ANGPT4: variants seen among roughly 807,000 people sequenced by gnomAD.
ANGPT4 encodes angiopoietin 4.
A neutral mutation model predicts 53.0 loss-of-function variants in ANGPT4; 50 were observed. The ratio of observed to expected loss-of-function variants is 0.94; its 90% confidence interval spans 0.75 to 1.20. The LOEUF is 1.20. Among genes scored for constraint, ANGPT4 ranks in the 50% most tolerant of loss-of-function variants. The pLI, the probability that ANGPT4 is intolerant of heterozygous loss-of-function variation, is 0.00. For missense variants in ANGPT4, 648 were observed against 637.1 expected, an observed-to-expected ratio of 1.02 and a Z score of -0.18; for synonymous variants, 251 against 259.7, an observed-to-expected ratio of 0.97 and a Z score of 0.32.
intron 1 of ANGPT4, among the ~76,000 whole-genome samples, chr20:896,914 C>A (rs1302325334): frequency 6.6e-6 from 1 of 152,180 alleles, no homozygotes; most frequent in Non-Finnish European, 1.5e-5. Flanking sequence ...CGTATACATC[C>A]AGATGGCCTG....
intron 1 of ANGPT4, among the ~76,000 whole-genome samples, chr20:905,656 C>A (rs1277576254): frequency 6.6e-6 from 1 of 152,144 alleles, no homozygotes; most frequent in East Asian, 1.9e-4. Context: ...GGGGTATCTG[C>A]AGGAGGAATG....
At chr20:897,458 C>G (rs746098245) in intron 1 of ANGPT4, among the ~76,000 whole-genome samples, 1 of 152,208 alleles carries the variant, frequency 6.6e-6, no homozygotes, top group Non-Finnish European at 1.5e-5. Flanking sequence ...CTTTTTCTCT[C>G]TAGTAGAGAC....
At chr20:873,719 C>A (rs1234134198) in intron 8 of ANGPT4, among the ~76,000 whole-genome samples, 1 of 152,076 alleles carries the variant, frequency 6.6e-6, no homozygotes, top group Non-Finnish European at 1.5e-5. Flanking sequence ...TACTTCTCTG[C>A]CCCAGTATAG....
intron 3 of ANGPT4, among the ~76,000 whole-genome samples, chr20:886,489 G>T (rs1472975719): frequency 2.0e-5 from 3 of 152,166 alleles, no homozygotes; most frequent in Non-Finnish European, 2.9e-5. Context: ...ATAAAAATGG[G>T]AATGTACAGA....
intron 1 of ANGPT4, among the ~76,000 whole-genome samples, chr20:896,929 A>T (rs1162191777): frequency 1.3e-5 from 2 of 152,200 alleles, no homozygotes; most frequent in Admixed American, 6.5e-5. Flanking sequence ...GGCCTGATGC[A>T]ACTGGAGAAC....
At chr20:879,262 A>C (rs894612773) in intron 6 of ANGPT4, among the ~76,000 whole-genome samples, 4 of 152,200 alleles carry the variant, frequency 2.6e-5, no homozygotes, top group Non-Finnish European at 5.9e-5. Flanking sequence ...AGCTTGGCAA[A>C]AAATCCTTTA....
At chr20:915,364 C>T (rs1256742489) in intron 1 of ANGPT4, among the ~76,000 whole-genome samples, 5 of 152,202 alleles carry the variant, frequency 3.3e-5, no homozygotes. Context: ...GCATTCCCTC[C>T]TCACGGTCAA....
At chr20:907,853 C>T (rs554037343) in intron 1 of ANGPT4, among the ~76,000 whole-genome samples, 11 of 152,284 alleles carry the variant, frequency 7.2e-5, no homozygotes, top group Admixed American at 2.0e-4. Flanking sequence ...TATCTCCCCA[C>T]GTGGCACCAG....
intron 4 of ANGPT4, among the ~76,000 whole-genome samples, chr20:882,050 C>T (rs569229364): frequency 6.6e-6 from 1 of 152,292 alleles, no homozygotes; most frequent in South Asian, 2.1e-4. Context: ...GTGGGCTCCC[C>T]TTCATAGCCC....
At chr20:909,247 T>C (rs1194873330) in intron 1 of ANGPT4, among the ~76,000 whole-genome samples, 2 of 152,110 alleles carry the variant, frequency 1.3e-5, no homozygotes, top group Non-Finnish European at 2.9e-5. Flanking sequence ...GAAAGTCCCA[T>C]ATGTGAATTC....
intron 1 of ANGPT4, among the ~76,000 whole-genome samples, chr20:905,345 T>G (rs549539716): frequency 3.7e-4 from 57 of 152,318 alleles, no homozygotes; most frequent in African/African-American, 1.3e-3. Context: ...GCTAGGCATA[T>G]GAGAGGTCCT....
At chr20:879,394 T>C (rs1201706818) in intron 6 of ANGPT4, among the ~76,000 whole-genome samples, 2 of 152,216 alleles carry the variant, frequency 1.3e-5, no homozygotes, top group African/African-American at 4.8e-5. Flanking sequence ...CATAGACGTA[T>C]GAAAAGACAA....
chr20:902,627 C>T (rs971280902), intron 1 of ANGPT4, among the ~76,000 whole-genome samples: 1 of 152,164 alleles, frequency 6.6e-6, no homozygotes, highest in African/African-American at 2.4e-5. Context: ...TATCAGAAAC[C>T]TGTTTTCTGT....
At chr20:900,359 T>G (rs1982240756) in intron 1 of ANGPT4, among the ~76,000 whole-genome samples, 1 of 152,224 alleles carries the variant, frequency 6.6e-6, no homozygotes, top group South Asian at 2.1e-4. Flanking sequence ...CTCTGACGGC[T>G]GCCACCCTAG....
intron 1 of ANGPT4, among the ~76,000 whole-genome samples, chr20:895,175 G>A (rs1413481264): frequency 6.6e-6 from 1 of 152,176 alleles, no homozygotes; most frequent in Non-Finnish European, 1.5e-5. Flanking sequence ...CCCAGCGTGG[G>A]ATCTACTTCT....
In ANGPT4 at chr20:914,361, G is replaced by C. The variant is rs557443286; in HGVS notation, c.309+1545C>G. Reference sequence around the variant, plus strand: ...CAAGGAGGGCCTCTGGGGAGATGGCGCTGGAGAGGATAGGAGGCTGGGGTA... The same window carrying C: ...CAAGGAGGGCCTCTGGGGAGATGGCCCTGGAGAGGATAGGAGGCTGGGGTA... On this transcript the variant is annotated intron_variant, in intron 1 of 8. Transcript: ENST00000381922. The surrounding 1 kb of genome is among the most constrained non-coding windows in gnomAD (Gnocchi z 5.0). Among the ~76,000 whole-genome samples, 2 of 152,178 alleles carry C rather than the reference G, an allele frequency of 1.3e-5. No homozygotes were observed. Among genetic ancestry groups the C allele is most frequent in the African/African-American group, 4.8e-5 (2 of 41,438 alleles).
chr20:872,807 C>A lies in ANGPT4; in HGVS notation c.*153G>T. ...GGAGGGGAGTTGGGGGGCAGATGAC[C>A]CTTCTGGACTTCTGGGTCAAGGAGG... On this transcript the variant is annotated 3_prime_UTR_variant, in exon 9 of 9. Transcript: ENST00000381922. 2 of 922,358 alleles carry A rather than the reference C, an allele frequency of 2.2e-6. No homozygotes were observed. Among genetic ancestry groups the A allele is most frequent in the South Asian group, 1.6e-5 (1 of 61,936 alleles). The allele number at this position is 922,358 out of a possible 1,614,324, so 57.1% of individuals were successfully genotyped here.
chr20:904,784 G>A lies in ANGPT4; in HGVS notation c.309+11122C>T, dbSNP rs139083629. Reference sequence around the variant, plus strand: ...TGGGACTATAGGCATGTGCCACCAGGCCCAGCCAATTTTTCAGTATTTTTT... The same window carrying A: ...TGGGACTATAGGCATGTGCCACCAGACCCAGCCAATTTTTCAGTATTTTTT... On this transcript the variant is annotated intron_variant, in intron 1 of 8. Coordinates refer to ENST00000381922, the MANE Select transcript of ANGPT4 (RefSeq NM_015985.4). 7.6e-3 allele frequency among the ~76,000 whole-genome samples: 1,162 copies of A among 152,126 alleles called. 4 individuals carry two copies. The highest frequency in any genetic ancestry group is 0.012 in the Non-Finnish European group (823 of 67,982).
intron 1 of ANGPT4, among the ~76,000 whole-genome samples, chr20:893,781 C>G (rs977358304): frequency 4.6e-5 from 7 of 152,176 alleles, no homozygotes; most frequent in African/African-American, 2.4e-5. Context: ...TCTGAAGCCC[C>G]AAACCCAGAC....
Sources: allele counts gnomAD v4.1 joint callset (sites outside exome capture counted in the v4.1 genomes callset), GRCh38; gene constraint gnomAD v4.1.1; non-coding constraint Gnocchi (gnomAD v3.1); transcripts MANE v1.5; gene names NCBI Gene and HGNC (gene_info 2026-07-23, HGNC 2026-07-21).